Variants in NELL2 observed in about 807,000 individuals in gnomAD.
NELL2 encodes neural EGFL like 2, also known as protein kinase C-binding protein NELL2.
Under a neutral mutation model 109.6 loss-of-function variants are expected in NELL2, and 41 were observed. The ratio of observed to expected loss-of-function variants is 0.37; its 90% CI spans 0.29 to 0.49. The LOEUF is 0.49. Among genes scored for constraint, NELL2 ranks in the 20% least tolerant of loss-of-function variants. The pLI is 0.98. For missense variants in NELL2, 900 were observed against 1,008.3 expected (o/e 0.89, Z 1.45); for synonymous variants, 355 against 344.7 (o/e 1.03, Z -0.33).
At position 44,644,602 on chromosome 12, in the gene NELL2, A is replaced by G. The variant is rs368775205; in HGVS notation, c.1444+20882T>C. ...AAAGTATATATATATATATATATAT[A>G]TGTATGTATATATATATATATATAC... On this transcript the variant is annotated intron_variant, in intron 13 of 19. Coordinates refer to ENST00000429094, the MANE Select transcript of NELL2 (RefSeq NM_001145108.2). 3.5e-3 allele frequency among the ~76,000 whole-genome samples: 290 copies of G among 83,784 alleles called. 3 individuals carry two copies. The highest frequency in any genetic ancestry group is 0.015 in the African/African-American group (278 of 18,020). 55.0% of individuals were successfully genotyped at this position (83,784 alleles called of 152,430 possible).
At chr12:44,857,775 C>A (rs1245067373) in intron 2 of NELL2, among the ~76,000 whole-genome samples, 2 of 152,182 alleles carry the variant, frequency 1.3e-5, no homozygotes, top group African/African-American at 4.8e-5. Context: ...AACATTGGCA[C>A]AACAAGGCAG....
At chr12:44,868,842 T>C (rs1225710110) in intron 2 of NELL2, among the ~76,000 whole-genome samples, 1 of 152,142 alleles carries the variant, frequency 6.6e-6, no homozygotes, top group Non-Finnish European at 1.5e-5. Flanking sequence ...ATAGTAATAA[T>C]ACATTGTACT....
chr12:44,703,875 TTATTAAGG>T (rs760425102), intron 11 of NELL2, 21 bp from the exon 12 acceptor site: 1 of 1,600,540 alleles, frequency 6.2e-7, no homozygotes, highest in Admixed American at 1.7e-5. Flanking sequence ...AAAAAGAAAT[TTATTAAGG>T]TAAATGAAAC....
intron 13 of NELL2, among the ~76,000 whole-genome samples, chr12:44,662,187 T>C (rs1007422155): frequency 1.3e-5 from 2 of 152,192 alleles, no homozygotes; most frequent in African/African-American, 4.8e-5. Context: ...AAAATGGTGA[T>C]TCATATTTAT....
chr12:44,581,530 A>G (rs1195003634), intron 15 of NELL2, among the ~76,000 whole-genome samples: 3 of 152,230 alleles, frequency 2.0e-5, no homozygotes, highest in African/African-American at 7.2e-5. Context: ...TCCTGAAAGG[A>G]ATGAGTTTTA....
chr12:44,528,279 G>A (rs978466812), intron 16 of NELL2, among the ~76,000 whole-genome samples: 16 of 151,346 alleles, frequency 1.1e-4, no homozygotes, highest in African/African-American at 2.2e-4. Context: ...CTATGTTTGC[G>A]GGTTTCCTTG....
At chr12:44,600,572 G>C (rs986073369) in intron 15 of NELL2, among the ~76,000 whole-genome samples, 1 of 152,218 alleles carries the variant, frequency 6.6e-6, no homozygotes, top group Non-Finnish European at 1.5e-5. Context: ...ATTTATGAAT[G>C]AGAAAATTGC....
chr12:44,837,464 T>C (rs1362827051), intron 2 of NELL2, among the ~76,000 whole-genome samples: 2 of 152,088 alleles, frequency 1.3e-5, no homozygotes, highest in Non-Finnish European at 2.9e-5. Flanking sequence ...TGATAAGTGG[T>C]AGAACTAGGA....
intron 13 of NELL2, among the ~76,000 whole-genome samples, chr12:44,628,945 T>C (rs896543148): frequency 6.6e-6 from 1 of 152,158 alleles, no homozygotes; most frequent in Non-Finnish European, 1.5e-5. Context: ...CTAGTGAATA[T>C]GCAGGTGAGG....
chr12:44,601,893 G>A (rs1474179857), intron 15 of NELL2, among the ~76,000 whole-genome samples: 1 of 152,128 alleles, frequency 6.6e-6, no homozygotes, highest in Non-Finnish European at 1.5e-5. Context: ...TCAGGCCAAT[G>A]TTTCTCTGAC....
At chr12:44,736,124 C>T (rs1939633417) in intron 9 of NELL2, among the ~76,000 whole-genome samples, 1 of 151,246 alleles carries the variant, frequency 6.6e-6, no homozygotes, top group Admixed American at 6.6e-5. Flanking sequence ...CATTCTCCTG[C>T]CTCAGCCTCC....
intron 3 of NELL2, among the ~76,000 whole-genome samples, chr12:44,814,798 T>C (rs12581873): frequency 0.25 from 38,417 of 152,174 alleles, 5,732 homozygotes; most frequent in East Asian, 0.47. Context: ...GTTCTCCACA[T>C]AGATTTTCTT....
intron 15 of NELL2, among the ~76,000 whole-genome samples, chr12:44,566,532 C>T (rs1300356876): frequency 3.0e-5 from 1 of 32,788 alleles, no homozygotes; most frequent in African/African-American, 9.2e-5. Context: ...ATTACACATA[C>T]TCACACACAC....
At chr12:44,757,320 T>C (rs1292620278) in intron 9 of NELL2, among the ~76,000 whole-genome samples, 6 of 152,166 alleles carry the variant, frequency 3.9e-5, no homozygotes, top group Admixed American at 3.3e-4. Flanking sequence ...TTCAACCCAG[T>C]TCCCACAGTG....
intron 13 of NELL2, among the ~76,000 whole-genome samples, chr12:44,624,883 C>A (rs1211285795): frequency 6.6e-6 from 1 of 151,050 alleles, no homozygotes; most frequent in Admixed American, 6.6e-5. Context: ...GAGACGTGAC[C>A]ATTATGGAAA....
chr12:44,715,145 C>T (rs1938418721), intron 9 of NELL2, among the ~76,000 whole-genome samples: 1 of 151,372 alleles, frequency 6.6e-6, no homozygotes, highest in African/African-American at 2.4e-5. Context: ...TTTTATATAC[C>T]ATTACAGAAT....
intron 10 of NELL2, among the ~76,000 whole-genome samples, 190 bp downstream of exon 10, chr12:44,714,460 T>G (rs111761517): frequency 6.6e-6 from 1 of 151,990 alleles, no homozygotes; most frequent in East Asian, 1.9e-4. Context: ...CTTGGAAAAA[T>G]TATTTTTCAA....
chr12:44,726,418 C>A (rs2034309564), intron 9 of NELL2, among the ~76,000 whole-genome samples: 1 of 151,970 alleles, frequency 6.6e-6, no homozygotes, highest in Admixed American at 6.6e-5. Context: ...ATGGGCTTCG[C>A]TTTCTAGTCC....
rs943896917 is a variant in NELL2 at position 44,837,446 on chromosome 12, T to A, written c.185-21310A>T. ...GGCAGGTTGAGAACCACTGATTAGG[T>A]TTTCCGCTGATAAGTGGTAGAACTA... On this transcript the variant is annotated intron_variant, in intron 2 of 19. Coordinates refer to ENST00000429094, the MANE Select transcript of NELL2 (RefSeq NM_001145108.2). 6.6e-5 allele frequency among the ~76,000 whole-genome samples: 10 copies of A among 151,944 alleles called. No individual in the cohort carries two copies. In the East Asian group the frequency reaches 1.4e-3, roughly 21 times the overall value.
Sources: allele counts gnomAD v4.1 joint callset (sites outside exome capture counted in the v4.1 genomes callset), GRCh38; gene constraint gnomAD v4.1.1; transcripts MANE v1.5; gene names NCBI Gene and HGNC (gene_info 2026-07-23, HGNC 2026-07-21).